The following RAB40C variants were observed in gnomAD, a reference collection of about 807,000 sequenced individuals.
The protein encoded by RAB40C is RAB40C, member RAS oncogene family, also known as ras-related protein Rab-40C.
A neutral mutation model predicts 28.1 loss-of-function variants in RAB40C; 8 were observed. The ratio of observed to expected loss-of-function variants is 0.28; its 90% CI spans 0.17 to 0.51. RAB40C has a LOEUF of 0.51. Ranked by LOEUF, RAB40C falls within the 20% of genes least tolerant of loss-of-function variation. The probability of loss-of-function intolerance (pLI) is 0.97; values close to 1 mark genes in which losing one functional copy is unlikely to be tolerated. For synonymous variants in RAB40C, 201 were observed against 171.7 expected, an observed-to-expected ratio of 1.17 and a Z score of -1.34; for missense variants, 288 against 405.9, an observed-to-expected ratio of 0.71 and a Z score of 2.50.
At chr16:609,133 C>T (rs1022973651) in intron 1 of RAB40C, among the ~76,000 whole-genome samples, 1 of 152,080 alleles carries the variant, frequency 6.6e-6, no homozygotes, top group Non-Finnish European at 1.5e-5. Context: ...AAAATAAAAA[C>T]GTGGACTGAT....
intron 3 of RAB40C, chr16:625,139 C>G: frequency 7.4e-7 from 1 of 1,358,822 alleles, no homozygotes; most frequent in South Asian, 1.2e-5. Context: ...CCCGCATCTG[C>G]CTGCCCAGGA....
rs192369060 is a variant in RAB40C at position 614,129 on chromosome 16, C to T, written c.143-3079C>T. On this transcript the variant is annotated intron_variant, in intron 1 of 5. Transcript: ENST00000248139. ...CCGATGGTGAACTGCCAAACTCTAC[C>T]GCATCCCGATGGTGAACTGCTAACT... is the stretch of plus-strand genomic sequence containing the variant. Among the ~76,000 whole-genome samples, 268 of 148,166 alleles carry T rather than the reference C, an allele frequency of 1.8e-3. 1 individual carries two copies. The highest frequency in any genetic ancestry group is 0.012 in the Admixed American group (180 of 14,782).
intron 2 of RAB40C, 64 bp from the exon 3 acceptor site, chr16:618,136 G>A (rs981263000): frequency 6.6e-7 from 1 of 1,523,320 alleles, no homozygotes; most frequent in Non-Finnish European, 9.0e-7. Flanking sequence ...CGGCAGAGGA[G>A]GGAAGGAGGT....
intron 2 of RAB40C, among the ~76,000 whole-genome samples, chr16:617,521 C>G (rs985421787): frequency 3.3e-5 from 5 of 152,170 alleles, no homozygotes; most frequent in African/African-American, 1.2e-4. Flanking sequence ...TGAGCCCCTT[C>G]CCTCCCCTTC....
chr16:623,205 T>C (rs2036757391), intron 3 of RAB40C, among the ~76,000 whole-genome samples: 1 of 152,236 alleles, frequency 6.6e-6, no homozygotes, highest in South Asian at 2.1e-4. Context: ...GCTCTCTTTC[T>C]AGAGTTTTCA....
intron 1 of RAB40C, 60 bp downstream of exon 1, chr16:590,493 C>A: frequency 1.4e-6 from 2 of 1,438,162 alleles, no homozygotes; most frequent in South Asian, 2.8e-5. Context: ...GAGCTGGGCA[C>A]GGAGCTCGCC....
At chr16:596,159 A>G (rs1305691666) in intron 1 of RAB40C, among the ~76,000 whole-genome samples, 1 of 152,174 alleles carries the variant, frequency 6.6e-6, no homozygotes, top group Non-Finnish European at 1.5e-5. Flanking sequence ...GACACAGATG[A>G]CTCGTGTCGA....
chr16:617,113 G>T (rs1269949246), intron 1 of RAB40C, 95 bp from the exon 2 acceptor site: 1 of 1,302,700 alleles, frequency 7.7e-7, no homozygotes, highest in African/African-American at 1.5e-5. Flanking sequence ...CTTCCGCGTG[G>T]GTCTTGGCCC....
At chr16:590,456 C>G (rs1399209969) in intron 1 of RAB40C, 23 bp downstream of exon 1, 1 of 1,545,340 alleles carries the variant, frequency 6.5e-7, no homozygotes, top group Non-Finnish European at 8.7e-7. Context: ...CCGCGGCGCG[C>G]GCTGCTACGC....
At chr16:627,224 T>C (rs1380972302) in intron 5 of RAB40C, 118 bp from the exon 6 acceptor site, 5 of 1,026,112 alleles carry the variant, frequency 4.9e-6, no homozygotes, top group Admixed American at 2.6e-5. Context: ...GAGCCCAGCC[T>C]GGGAACACCT....
chr16:626,245 T>C, intron 5 of RAB40C, 124 bp downstream of exon 5: 1 of 972,376 alleles, frequency 1.0e-6, no homozygotes. Flanking sequence ...CAACGCGCAG[T>C]AGGGGCTCGG....
At chr16:589,974 G>A (rs1567181198), upstream of RAB40C, 1 of 151,610 alleles carries the variant, frequency 6.6e-6, no homozygotes, top group African/African-American at 2.4e-5. Flanking sequence ...CGCCGTGAGG[G>A]CGGGGAAGTC....
chr16:590,784 G>C (rs1044880708), intron 1 of RAB40C, among the ~76,000 whole-genome samples: 1 of 151,680 alleles, frequency 6.6e-6, no homozygotes, highest in African/African-American at 2.4e-5. Flanking sequence ...AAGGTGTCAT[G>C]GGCCTGGGGA....
intron 1 of RAB40C, among the ~76,000 whole-genome samples, chr16:601,097 C>T (rs978998333): frequency 1.3e-5 from 2 of 152,216 alleles, no homozygotes; most frequent in African/African-American, 4.8e-5. Flanking sequence ...TGTAGTTTTC[C>T]TCACCGTTCA....
chr16:626,191 G>C, intron 5 of RAB40C, 70 bp downstream of exon 5: 1 of 1,454,450 alleles, frequency 6.9e-7, no homozygotes. Context: ...TGGAGGCTGA[G>C]GGGGGCCAGG....
At chr16:595,165 C>T (rs947977794) in intron 1 of RAB40C, among the ~76,000 whole-genome samples, 3 of 152,092 alleles carry the variant, frequency 2.0e-5, no homozygotes, top group African/African-American at 7.2e-5. Flanking sequence ...GTGGGAGGAA[C>T]GGGGTGTTCA....
intron 1 of RAB40C, among the ~76,000 whole-genome samples, chr16:601,841 A>AAAAAAAAAAAAAAAAAAAAAAAAAAAAC: frequency 6.7e-6 from 1 of 148,730 alleles, no homozygotes; most frequent in Admixed American, 6.7e-5. Context: ...AAAAAAAAAA[A>AAAAAAAAAAAAAAAAAAAAAAAAAAAAC]AAAAGGCCGG....
intron 1 of RAB40C, among the ~76,000 whole-genome samples, chr16:600,738 T>C (rs952530028): frequency 1.3e-5 from 2 of 152,112 alleles, no homozygotes; most frequent in Non-Finnish European, 2.9e-5. Context: ...GGCGACAGAG[T>C]GAGACTCCAT....
chr16:617,848 A>C (rs536466361), intron 2 of RAB40C, among the ~76,000 whole-genome samples: 1 of 151,580 alleles, frequency 6.6e-6, no homozygotes, highest in Non-Finnish European at 1.5e-5. Flanking sequence ...GTCTCAAAAA[A>C]GAAAAAAAAA....
Sources: allele counts gnomAD v4.1 joint callset (sites outside exome capture counted in the v4.1 genomes callset), GRCh38; gene constraint gnomAD v4.1.1; transcripts MANE v1.5; gene names NCBI Gene and HGNC (gene_info 2026-07-23, HGNC 2026-07-21).